Variants in SVOPL observed in about 807,000 individuals in gnomAD.
SVOPL encodes SVOP like.
In SVOPL, 60 loss-of-function variants were observed where a neutral mutation model predicts 61.0. The ratio of observed to expected loss-of-function variants is 0.98; its 90% confidence interval spans 0.80 to 1.22. The LOEUF (loss-of-function observed/expected upper bound fraction) is 1.22, where lower values mean the gene tolerates loss of function less well. SVOPL is among the 50% of genes most tolerant of loss of function. SVOPL has a pLI of 0.00. For synonymous variants in SVOPL, 279 were observed against 250.0 expected (o/e 1.12, Z -1.09); for missense variants, 662 against 643.9 (o/e 1.03, Z -0.30).
intron 13 of SVOPL, among the ~76,000 whole-genome samples, chr7:138,622,494 G>GGT (rs1563097109): frequency 4.9e-5 from 3 of 61,278 alleles, no homozygotes; most frequent in Admixed American, 1.4e-4. Context: ...AGCGGCGGGC[G>GGT]GGGGGTCTCT....
At chr7:138,665,519 T>C (rs1044045313) in intron 4 of SVOPL, among the ~76,000 whole-genome samples, 6 of 151,738 alleles carry the variant, frequency 4.0e-5, no homozygotes, top group African/African-American at 7.3e-5. Context: ...ATGAGGGAGA[T>C]TGTGTACCTG....
chr7:138,674,394 C>T (rs1450828308), intron 3 of SVOPL, among the ~76,000 whole-genome samples: 1 of 151,962 alleles, frequency 6.6e-6, no homozygotes, highest in Non-Finnish European at 1.5e-5. Flanking sequence ...GTCAACATAT[C>T]AATGCTGATG....
chr7:138,611,838 C>A (rs1205539526), intron 14 of SVOPL, among the ~76,000 whole-genome samples: 3 of 67,606 alleles, frequency 4.4e-5, no homozygotes, highest in Non-Finnish European at 6.1e-5. Context: ...CCTGCCTTGG[C>A]CTCCCAAAGT....
At chr7:138,693,566 A>AAAG (rs1159235415) in intron 1 of SVOPL, among the ~76,000 whole-genome samples, 4 of 147,914 alleles carry the variant, frequency 2.7e-5, no homozygotes, top group African/African-American at 1.0e-4. Context: ...AGAAAGAAAG[A>AAAG]AAGAAAGAAA....
At chr7:138,662,958 A>G in intron 5 of SVOPL, 116 bp downstream of exon 5, 1 of 1,532,350 alleles carries the variant, frequency 6.5e-7, no homozygotes. Context: ...AAATGTCTGC[A>G]TTTTCTATCT....
intron 4 of SVOPL, chr7:138,664,291 G>C (rs891355877): frequency 1.0e-6 from 1 of 960,230 alleles, no homozygotes; most frequent in Non-Finnish European, 1.2e-6. Flanking sequence ...CATCGGGCAC[G>C]CGCCTAACCC....
chr7:138,639,669 G>T (rs1343456759), intron 9 of SVOPL, among the ~76,000 whole-genome samples: 1 of 151,700 alleles, frequency 6.6e-6, no homozygotes, highest in Non-Finnish European at 1.5e-5. Flanking sequence ...AAAGGAAAAG[G>T]AAGGGGGAAA....
intron 7 of SVOPL, among the ~76,000 whole-genome samples, chr7:138,655,374 G>T (rs187442454): frequency 6.6e-6 from 1 of 151,988 alleles, no homozygotes; most frequent in Non-Finnish European, 1.5e-5. Flanking sequence ...GCATGGTGGT[G>T]CACGTCTGTA....
intron 3 of SVOPL, among the ~76,000 whole-genome samples, chr7:138,677,182 G>A (rs769366956): frequency 9.2e-5 from 14 of 152,206 alleles, no homozygotes; most frequent in Admixed American, 2.0e-4. Flanking sequence ...GGGATTACAG[G>A]CGTGAGCCAC....
chr7:138,623,257 C>T (rs1231065215), intron 13 of SVOPL, among the ~76,000 whole-genome samples: 7 of 152,006 alleles, frequency 4.6e-5, no homozygotes, highest in African/African-American at 1.7e-4. Context: ...GATGGAATAA[C>T]AGAAAACTAT....
chr7:138,632,470 A>C (rs1348457642), intron 9 of SVOPL, among the ~76,000 whole-genome samples: 1 of 152,044 alleles, frequency 6.6e-6, no homozygotes, highest in African/African-American at 2.4e-5. Flanking sequence ...GAAGAAGATC[A>C]CTTAATGGGC....
intron 9 of SVOPL, among the ~76,000 whole-genome samples, chr7:138,635,396 T>C (rs1385706386): frequency 2.8e-5 from 4 of 140,452 alleles, no homozygotes; most frequent in Non-Finnish European, 6.2e-5. Context: ...TTTATTTTAC[T>C]TTTTTTTTTT....
intron 6 of SVOPL, among the ~76,000 whole-genome samples, chr7:138,659,261 GC>G (rs1801891252): frequency 6.6e-6 from 1 of 152,122 alleles, no homozygotes; most frequent in South Asian, 2.1e-4. Context: ...GGAGGCCAAG[GC>G]GGGTGGATTA....
chr7:138,653,207 G>A (rs1801524924), intron 7 of SVOPL, among the ~76,000 whole-genome samples: 2 of 152,214 alleles, frequency 1.3e-5, no homozygotes, highest in South Asian at 4.1e-4. Context: ...ACATAGAAGT[G>A]CAAGGTGAAA....
chr7:138,700,081 G>C (rs1803156370), intron 1 of SVOPL, among the ~76,000 whole-genome samples: 1 of 152,140 alleles, frequency 6.6e-6, no homozygotes, highest in Admixed American at 6.6e-5. Flanking sequence ...CTGTACCTTG[G>C]AAAGGGGCTT....
chr7:138,666,107 T>C (rs761720857), intron 4 of SVOPL, among the ~76,000 whole-genome samples: 1 of 152,272 alleles, frequency 6.6e-6, no homozygotes, highest in Admixed American at 6.5e-5. Context: ...CTGATCCTTG[T>C]AGCCAAGGAA....
intron 3 of SVOPL, among the ~76,000 whole-genome samples, chr7:138,676,245 T>C (rs938590708): frequency 1.3e-5 from 2 of 152,260 alleles, no homozygotes; most frequent in African/African-American, 4.8e-5. Context: ...GAAGCTGTCA[T>C]TCTTCTTTCT....
chr7:138,661,879 C>A (rs1186688664), intron 5 of SVOPL: 1 of 985,276 alleles, frequency 1.0e-6, no homozygotes, highest in Non-Finnish European at 1.2e-6. Flanking sequence ...GTCTCTGTTT[C>A]TTCCTTTAGG....
chr7:138,605,637 G>T (rs1460881210), intron 14 of SVOPL, among the ~76,000 whole-genome samples: 1 of 126,814 alleles, frequency 7.9e-6, no homozygotes, highest in African/African-American at 2.8e-5. Context: ...ACTCTAACCT[G>T]GGCAAAAAAA....
Sources: allele counts gnomAD v4.1 joint callset (sites outside exome capture counted in the v4.1 genomes callset), GRCh38; gene constraint gnomAD v4.1.1; transcripts MANE v1.5; gene names NCBI Gene and HGNC (gene_info 2026-07-23, HGNC 2026-07-21).